Variants in CACNA1C observed in about 807,000 individuals in gnomAD.
CACNA1C encodes calcium voltage-gated channel subunit alpha1 C, also known as voltage-dependent L-type calcium channel subunit alpha-1C.
A neutral mutation model predicts 229.0 loss-of-function variants in CACNA1C; 30 were observed. That is an observed-to-expected ratio of 0.13 (90% CI 0.10 to 0.18). The LOEUF is 0.18. Among genes scored for constraint, CACNA1C ranks in the 10% least tolerant of loss-of-function variants. CACNA1C has a pLI of 1.00. For synonymous variants in CACNA1C, 1,114 were observed against 1,132.5 expected (o/e 0.98, Z 0.33); for missense variants, 1,658 against 2,845.0 (o/e 0.58, Z 9.49).
intron 3 of CACNA1C, among the ~76,000 whole-genome samples, chr12:2,345,364 A>G (rs557938495): frequency 6.6e-6 from 1 of 152,104 alleles, no homozygotes; most frequent in Non-Finnish European, 1.5e-5. Flanking sequence ...GGAGCCCTGG[A>G]AGGAGGGCCA....
At chr12:2,306,180 G>T (rs770666060) in intron 3 of CACNA1C, among the ~76,000 whole-genome samples, 3 of 152,236 alleles carry the variant, frequency 2.0e-5, no homozygotes, top group Non-Finnish European at 4.4e-5. Context: ...AGCCTGCTAG[G>T]ATGTGAAGGG....
chr12:2,431,568 G>A (rs561581046), intron 3 of CACNA1C, among the ~76,000 whole-genome samples: 32 of 152,230 alleles, frequency 2.1e-4, no homozygotes, highest in East Asian at 7.7e-4. Context: ...TAGTTAAGAC[G>A]CCAGCCTGGT....
chr12:2,077,123 G>A (rs544605398), intron 1 of CACNA1C, among the ~76,000 whole-genome samples: 90 of 152,364 alleles, frequency 5.9e-4, no homozygotes, highest in African/African-American at 2.0e-3. Context: ...TTTAGGTACA[G>A]CTAATAGCTG....
At chr12:2,302,639 T>G (rs2094657535) in intron 3 of CACNA1C, among the ~76,000 whole-genome samples, 1 of 152,098 alleles carries the variant, frequency 6.6e-6, no homozygotes, top group Admixed American at 6.5e-5. Context: ...GCCACTTACC[T>G]TTGCTCCTGT....
At chr12:2,549,207 G>A (rs181026295) in intron 9 of CACNA1C, among the ~76,000 whole-genome samples, 38 of 152,342 alleles carry the variant, frequency 2.5e-4, no homozygotes, top group Non-Finnish European at 2.5e-4. Flanking sequence ...AAGTCAGCCT[G>A]TTGACATGGG....
chr12:2,211,948 T>C (rs921075282), intron 3 of CACNA1C, among the ~76,000 whole-genome samples: 1 of 151,986 alleles, frequency 6.6e-6, no homozygotes, highest in African/African-American at 2.4e-5. Context: ...CTTGAACTCC[T>C]GACCTCAGGT....
intron 3 of CACNA1C, among the ~76,000 whole-genome samples, chr12:2,338,606 C>G (rs901460378): frequency 3.3e-5 from 5 of 152,044 alleles, no homozygotes; most frequent in Admixed American, 6.6e-5. Flanking sequence ...CTTTTGCTCC[C>G]CAGAGACTGG....
intron 15 of CACNA1C, among the ~76,000 whole-genome samples, chr12:2,583,784 A>G (rs1050883436): frequency 2.6e-5 from 4 of 152,194 alleles, no homozygotes; most frequent in East Asian, 3.9e-4. Context: ...TGCCACATTC[A>G]GAAGCCACCC....
rs2052860574 is a variant in CACNA1C at position 2,053,284 on chromosome 12, G to A, written c.-279G>A. On this transcript the variant is annotated 5_prime_UTR_variant, in exon 1 of 47. Coordinates refer to ENST00000399655, the MANE Select transcript of CACNA1C (RefSeq NM_000719.7). The surrounding 1 kb of genome is among the most constrained non-coding windows in gnomAD (Gnocchi z 5.8). ...CAAATGGTGTAGCCGCCGGAGGTGC[G>A]GTGCTCAGTTCTTGGAAGGGGCCCG... is the stretch of plus-strand genomic sequence containing the variant. The A allele has an allele frequency of 4.4e-6, 5 of 1,140,834 alleles. No homozygotes were observed. The highest frequency in any genetic ancestry group is 3.9e-5 in the South Asian group (1 of 25,606). 70.7% of individuals were successfully genotyped at this position (1,140,834 alleles called of 1,614,324 possible). A position where few individuals can be genotyped will look rare whatever the true frequency, so the allele number is the denominator to read the frequency against.
intron 1 of CACNA1C, chr12:1,993,151 A>AC (rs768665990): frequency 3.5e-5 from 48 of 1,368,064 alleles, no homozygotes; most frequent in African/African-American, 2.1e-4. Flanking sequence ...AAATGCTGAC[A>AC]CCCCCCATAG....
intron 1 of CACNA1C, among the ~76,000 whole-genome samples, chr12:2,043,195 T>A (rs1424748437): frequency 6.6e-6 from 1 of 152,226 alleles, no homozygotes; most frequent in Non-Finnish European, 1.5e-5. Flanking sequence ...AGAAGTCAAT[T>A]CAATGCATCA....
chr12:2,060,686 G>A (rs2057151621), intron 1 of CACNA1C, among the ~76,000 whole-genome samples: 1 of 152,198 alleles, frequency 6.6e-6, no homozygotes, highest in African/African-American at 2.4e-5. Flanking sequence ...ATAGTGTTGT[G>A]ATAATTTCAT....
intron 1 of CACNA1C, among the ~76,000 whole-genome samples, chr12:1,994,852 T>A (rs1436708283): frequency 2.0e-5 from 3 of 152,116 alleles, no homozygotes; most frequent in Non-Finnish European, 4.4e-5. Flanking sequence ...TAAAGCAACT[T>A]CTGTAAGAGA....
At chr12:2,482,596 C>T (rs2099680754) in intron 5 of CACNA1C, among the ~76,000 whole-genome samples, 1 of 152,216 alleles carries the variant, frequency 6.6e-6, no homozygotes, top group Non-Finnish European at 1.5e-5. Flanking sequence ...AGAACGCGCT[C>T]ATCAAGTTGG....
chr12:2,196,716 C>A (rs1394654238), intron 3 of CACNA1C, among the ~76,000 whole-genome samples: 1 of 152,224 alleles, frequency 6.6e-6, no homozygotes, highest in East Asian at 1.9e-4. Context: ...AAGACGGTTG[C>A]TTTATGCATC....
At chr12:2,082,314 C>T (rs2065937466) in intron 1 of CACNA1C, among the ~76,000 whole-genome samples, 1 of 152,178 alleles carries the variant, frequency 6.6e-6, no homozygotes, top group African/African-American at 2.4e-5. Flanking sequence ...TGAATTAATG[C>T]CCCGCTTTTC....
intron 5 of CACNA1C, among the ~76,000 whole-genome samples, chr12:2,465,594 C>T (rs964715856): frequency 2.6e-5 from 4 of 152,220 alleles, no homozygotes; most frequent in Admixed American, 6.5e-5. Context: ...GACAAAAGTC[C>T]GCAGTGAGCA....
At chr12:2,469,613 C>G (rs2099579742) in intron 5 of CACNA1C, among the ~76,000 whole-genome samples, 2 of 152,080 alleles carry the variant, frequency 1.3e-5, no homozygotes, top group Admixed American at 6.6e-5. Context: ...AAATGTACTG[C>G]TGTTGGAGGA....
chr12:2,553,689 G>A (rs1286158200), intron 10 of CACNA1C, among the ~76,000 whole-genome samples: 2 of 152,264 alleles, frequency 1.3e-5, no homozygotes, highest in South Asian at 2.1e-4. Flanking sequence ...AGGCCCAGGC[G>A]GTGTGGAGTC....
Sources: allele counts gnomAD v4.1 joint callset (sites outside exome capture counted in the v4.1 genomes callset), GRCh38; gene constraint gnomAD v4.1.1; non-coding constraint Gnocchi (gnomAD v3.1); transcripts MANE v1.5; gene names NCBI Gene and HGNC (gene_info 2026-07-23, HGNC 2026-07-21).